Variants in RNF38 observed in about 807,000 individuals in gnomAD.
The protein encoded by RNF38 is E3 ubiquitin-protein ligase RNF38.
RNF38 carries 15 observed loss-of-function variants against 67.2 expected under a neutral mutation model. The ratio of observed to expected loss-of-function variants is 0.22; its 90% confidence interval spans 0.15 to 0.34. RNF38 has a LOEUF of 0.34. Ranked by LOEUF, RNF38 falls within the 10% of genes least tolerant of loss-of-function variation. The pLI is 1.00. For synonymous variants in RNF38, 220 were observed against 218.8 expected, an observed-to-expected ratio of 1.01 and a Z score of -0.05; for missense variants, 524 against 639.9, an observed-to-expected ratio of 0.82 and a Z score of 1.95.
chr9:36,348,873 G>T lies in RNF38; in HGVS notation c.1263+2242C>A, dbSNP rs185666045. On this transcript the variant is annotated intron_variant, in intron 9 of 11. Coordinates refer to ENST00000259605, the MANE Select transcript of RNF38 (RefSeq NM_022781.5). ...AAACAATGGATTTTCAATGTAGACGGAACAGCCCTATATTGGAAGAGGATG... is the reference window on the plus strand; with the variant it reads ...AAACAATGGATTTTCAATGTAGACGTAACAGCCCTATATTGGAAGAGGATG... 2.0e-5 allele frequency among the ~76,000 whole-genome samples: 3 copies of T among 152,324 alleles called. No individual in the cohort carries two copies. In the East Asian group the frequency reaches 5.8e-4, roughly 29 times the overall value.
rs1485237411 is a variant in RNF38 at position 36,363,963 on chromosome 9, A to G, written c.570+5756T>C. Reference sequence around the variant, plus strand: ...TTTCTCCTGCCTCAGACTCCCGAGTACCTGGGATAGGCACCCACCACCACG... The same window carrying G: ...TTTCTCCTGCCTCAGACTCCCGAGTGCCTGGGATAGGCACCCACCACCACG... On this transcript the variant is annotated intron_variant, in intron 4 of 11. Coordinates refer to ENST00000259605, the MANE Select transcript of RNF38 (RefSeq NM_022781.5). Among the ~76,000 whole-genome samples, 2 of 87,786 alleles carry G rather than the reference A, an allele frequency of 2.3e-5. 1 individual carries two copies. 57.6% of individuals were successfully genotyped at this position (87,786 alleles called of 152,430 possible).
At chr9:36,373,607 T>A (rs1471247683) in intron 3 of RNF38, among the ~76,000 whole-genome samples, 1 of 150,222 alleles carries the variant, frequency 6.7e-6, no homozygotes, top group Non-Finnish European at 1.5e-5. Flanking sequence ...TTTTTTTTTT[T>A]TAATTTGAGA....
At chr9:36,341,301 CTT>C (rs1280058801) in intron 11 of RNF38, among the ~76,000 whole-genome samples, 5 of 152,264 alleles carry the variant, frequency 3.3e-5, no homozygotes, top group African/African-American at 7.2e-5. Flanking sequence ...ATTTAAGACT[CTT>C]TGTCTTCAGG....
chr9:36,487,136 C>T (rs1393509488), intron 1 of RNF38, among the ~76,000 whole-genome samples: 1 of 152,208 alleles, frequency 6.6e-6, no homozygotes, highest in Non-Finnish European at 1.5e-5. Context: ...TTTGTGAGCG[C>T]TCGGCGCGGC....
chr9:36,487,026 C>T (rs1430850773), intron 1 of RNF38, among the ~76,000 whole-genome samples: 1 of 152,164 alleles, frequency 6.6e-6, no homozygotes, highest in Non-Finnish European at 1.5e-5. Flanking sequence ...AGTCACTTCC[C>T]CCTCTAAGCC....
intron 1 of RNF38, among the ~76,000 whole-genome samples, chr9:36,472,881 GGA>G: frequency 2.2e-5 from 1 of 46,446 alleles, no homozygotes; most frequent in Non-Finnish European, 5.0e-5. Context: ...CGAGGTGGGT[GGA>G]TCACCTGAGG....
intron 2 of RNF38, among the ~76,000 whole-genome samples, chr9:36,385,783 A>G (rs1454713876): frequency 6.6e-6 from 1 of 152,230 alleles, no homozygotes; most frequent in Non-Finnish European, 1.5e-5. Context: ...AGCACTGGTC[A>G]ACAGAAAGGG....
intron 1 of RNF38, among the ~76,000 whole-genome samples, chr9:36,468,331 G>A (rs913889555): frequency 1.3e-5 from 2 of 151,956 alleles, no homozygotes; most frequent in Non-Finnish European, 2.9e-5. Context: ...CAGAATCCAG[G>A]TATATAATAC....
rs754010117 is a variant in RNF38 at position 36,357,757 on chromosome 9, A to G, written c.738+18T>C. On this transcript the variant is annotated intron_variant, in intron 5 of 11. Coordinates refer to ENST00000259605, the MANE Select transcript of RNF38 (RefSeq NM_022781.5). The stretch of plus-strand genomic sequence containing the variant: ...TGCTTAATAGTAATATCTAATGAGA[A>G]CAAAGATAGAGACTTACTGGAGGAG... 1.2e-6 allele frequency: 2 copies of G among 1,608,690 alleles called. No homozygotes were observed. The highest frequency in any genetic ancestry group is 1.7e-6 in the Non-Finnish European group (2 of 1,175,984).
At chr9:36,445,159 G>A (rs1190173032) in intron 1 of RNF38, among the ~76,000 whole-genome samples, 1 of 152,156 alleles carries the variant, frequency 6.6e-6, no homozygotes, top group East Asian at 1.9e-4. Flanking sequence ...TAGAATGACA[G>A]AGAAGGTACG....
At chr9:36,394,999 G>C (rs995734745) in intron 1 of RNF38, among the ~76,000 whole-genome samples, 1 of 152,278 alleles carries the variant, frequency 6.6e-6, no homozygotes, top group South Asian at 2.1e-4. Flanking sequence ...CATTAAGTCT[G>C]CAACTCCCAA....
intron 2 of RNF38, among the ~76,000 whole-genome samples, chr9:36,383,428 G>C (rs1314782680): frequency 6.6e-6 from 1 of 152,128 alleles, no homozygotes; most frequent in African/African-American, 2.4e-5. Flanking sequence ...TTGACCTCAT[G>C]ATCCGCCCAC....
chr9:36,372,356 TG>T, intron 3 of RNF38: 1 of 558,860 alleles, frequency 1.8e-6, no homozygotes, highest in Non-Finnish European at 3.2e-6. Flanking sequence ...CGATCTTGCT[TG>T]TTCTATTGTT....
chr9:36,472,050 TTTG>T (rs768504502), intron 1 of RNF38, among the ~76,000 whole-genome samples: 56 of 152,222 alleles, frequency 3.7e-4, no homozygotes, highest in Non-Finnish European at 7.1e-4. Flanking sequence ...AAAATAACAA[TTTG>T]TTTTCAACTA....
intron 1 of RNF38, among the ~76,000 whole-genome samples, chr9:36,475,690 G>T (rs751208208): frequency 4.0e-5 from 6 of 150,874 alleles, no homozygotes; most frequent in Non-Finnish European, 7.4e-5. Context: ...CCAACAGAGA[G>T]CAGTAAAATA....
chr9:36,481,385 C>T (rs1840258761), intron 1 of RNF38, among the ~76,000 whole-genome samples: 1 of 152,180 alleles, frequency 6.6e-6, no homozygotes, highest in Admixed American at 6.5e-5. Flanking sequence ...TTCCACCTGT[C>T]CAACATCACT....
At chr9:36,340,161 T>C (rs1007313540) in intron 11 of RNF38, among the ~76,000 whole-genome samples, 1 of 152,128 alleles carries the variant, frequency 6.6e-6, no homozygotes, top group African/African-American at 2.4e-5. Context: ...TGTATTTTAG[T>C]AGAGACGGGG....
At chr9:36,354,717 C>T (rs538265846) in intron 6 of RNF38, among the ~76,000 whole-genome samples, 25 of 152,310 alleles carry the variant, frequency 1.6e-4, no homozygotes, top group African/African-American at 6.0e-4. Flanking sequence ...AGGAATAGTG[C>T]TATTACTACA....
At chr9:36,410,082 T>C (rs2134193952) in intron 2 of RNF38, among the ~76,000 whole-genome samples, 1 of 152,242 alleles carries the variant, frequency 6.6e-6, no homozygotes, top group African/African-American at 2.4e-5. Flanking sequence ...TCAAAATACC[T>C]ATCATTACAT....
Sources: allele counts gnomAD v4.1 joint callset (sites outside exome capture counted in the v4.1 genomes callset), GRCh38; gene constraint gnomAD v4.1.1; transcripts MANE v1.5; gene names NCBI Gene and HGNC (gene_info 2026-07-23, HGNC 2026-07-21).